Variants in GRIK4 observed in about 807,000 individuals in gnomAD.
GRIK4 encodes glutamate ionotropic receptor kainate type subunit 4.
In GRIK4, 40 loss-of-function variants were observed where a neutral mutation model predicts 104.9. The observed-to-expected ratio is 0.38, with a 90% CI of 0.30 to 0.50. The LOEUF (loss-of-function observed/expected upper bound fraction) is 0.50. Ranked by LOEUF, GRIK4 falls within the 20% of genes least tolerant of loss-of-function variation. The pLI is 0.93. For synonymous variants in GRIK4, 485 were observed against 524.9 expected (o/e 0.92, Z 1.04); for missense variants, 1,047 against 1,308.1 (o/e 0.80, Z 3.08).
intron 3 of GRIK4, among the ~76,000 whole-genome samples, chr11:120,787,056 G>A (rs1004925467): frequency 5.9e-5 from 9 of 152,180 alleles, no homozygotes; most frequent in African/African-American, 1.4e-4. Context: ...AATGGCTCAC[G>A]CCTGTCATCC....
intron 1 of GRIK4, among the ~76,000 whole-genome samples, chr11:120,590,639 C>T (rs1948722378): frequency 6.6e-6 from 1 of 152,166 alleles, no homozygotes; most frequent in African/African-American, 2.4e-5. Context: ...TTGATTTGGA[C>T]TCAGGCCTCT....
chr11:120,684,845 G>C (rs913024027), intron 3 of GRIK4, among the ~76,000 whole-genome samples: 1 of 152,208 alleles, frequency 6.6e-6, no homozygotes, highest in African/African-American at 2.4e-5. Flanking sequence ...GAGTAGCTGG[G>C]ACTACAGGCG....
intron 3 of GRIK4, among the ~76,000 whole-genome samples, chr11:120,663,085 C>T (rs1949847246): frequency 6.6e-6 from 1 of 152,166 alleles, no homozygotes; most frequent in Non-Finnish European, 1.5e-5. Context: ...ATATGTCAAC[C>T]CCTTCCATCA....
At chr11:120,736,449 A>G (rs149310633) in intron 3 of GRIK4, among the ~76,000 whole-genome samples, 15 of 151,586 alleles carry the variant, frequency 9.9e-5, no homozygotes, top group Middle Eastern at 3.4e-3. Flanking sequence ...TACCTAGGTC[A>G]CTCCAGTCCA....
intron 1 of GRIK4, among the ~76,000 whole-genome samples, chr11:120,631,625 A>T (rs1409562925): frequency 6.6e-6 from 1 of 152,160 alleles, no homozygotes; most frequent in Non-Finnish European, 1.5e-5. Context: ...TTTGGGGGCA[A>T]TGAGGTCAGG....
rs1324039937 is a variant in GRIK4, at chr11:120,795,413, G to A, written c.83-7280G>A. Among the ~76,000 whole-genome samples the A allele has an allele frequency of 1.1e-4, 16 of 152,212 alleles. No homozygotes were observed. The East Asian group carries it at 1.5e-3, about 15-fold the overall frequency. On this transcript the variant is annotated intron_variant, in intron 3 of 20. Transcript: ENST00000527524. ...CATCCACCCTGCGGATCCCTGTGTCGTGGGGCTGCTGTCCGTCCACTCATC... is the reference window on the plus strand; with the variant it reads ...CATCCACCCTGCGGATCCCTGTGTCATGGGGCTGCTGTCCGTCCACTCATC...
chr11:120,528,607 A>G (rs1480458299), intron 1 of GRIK4, among the ~76,000 whole-genome samples: 1 of 152,176 alleles, frequency 6.6e-6, no homozygotes, highest in Admixed American at 6.5e-5. Flanking sequence ...TACAGGAAAA[A>G]GGGGTTAATG....
chr11:120,627,551 G>C (rs567591559), intron 1 of GRIK4, among the ~76,000 whole-genome samples: 27 of 152,326 alleles, frequency 1.8e-4, no homozygotes, highest in African/African-American at 6.5e-4. Context: ...AGCAACACCA[G>C]GCTGGGAGGT....
chr11:120,965,794 C>T (rs1944373978), intron 18 of GRIK4, among the ~76,000 whole-genome samples: 1 of 152,200 alleles, frequency 6.6e-6, no homozygotes, highest in African/African-American at 2.4e-5. Context: ...CCCAGGCCTA[C>T]TGAATCAGAT....
At position 120,926,895 on chromosome 11, in the gene GRIK4, A is replaced by T. The variant is rs2850808; in HGVS notation, c.1477-13452A>T. On this transcript the variant is annotated intron_variant, in intron 13 of 20. Transcript: ENST00000527524. Reference sequence around the variant, plus strand: ...ATTTCCGCTGTGAAGAAAATAAAGCAGTATAATGAGCCAGAGTGTCTCGAG... The same window carrying T: ...ATTTCCGCTGTGAAGAAAATAAAGCTGTATAATGAGCCAGAGTGTCTCGAG... Among the ~76,000 whole-genome samples the T allele has an allele frequency of 3.3e-5, 5 of 152,104 alleles. No homozygotes were observed. In the East Asian group the frequency reaches 9.6e-4, roughly 29 times the overall value.
At chr11:120,806,183 G>C (rs12294471) in intron 4 of GRIK4, among the ~76,000 whole-genome samples, 10,104 of 152,076 alleles carry the variant, frequency 0.066, 1,067 homozygotes, top group African/African-American at 0.22. Flanking sequence ...ACATTTGAAC[G>C]GGCTTCCTCC....
At chr11:120,857,195 A>G (rs571306192) in intron 8 of GRIK4, among the ~76,000 whole-genome samples, 186 of 152,042 alleles carry the variant, frequency 1.2e-3, no homozygotes, top group Non-Finnish European at 2.2e-3. Flanking sequence ...CTCAGCCCCC[A>G]CTCAGAGCCT....
At chr11:120,901,329 GCTGCATCCTGCCCCTCC>G (rs1182697700) in intron 12 of GRIK4, among the ~76,000 whole-genome samples, 34 of 62,260 alleles carry the variant, frequency 5.5e-4, no homozygotes, top group African/African-American at 2.2e-3. Context: ...CCTGCCGCTC[GCTGCATCCTGCCCCTCC>G]CTGCCTTGGC....
intron 3 of GRIK4, among the ~76,000 whole-genome samples, chr11:120,743,311 C>G (rs989001380): frequency 3.3e-5 from 5 of 150,914 alleles, no homozygotes; most frequent in Non-Finnish European, 7.4e-5. Flanking sequence ...GCTCAGCAAA[C>G]AAATGCAGGA....
At chr11:120,635,521 G>A (rs1421798602) in intron 1 of GRIK4, among the ~76,000 whole-genome samples, 1 of 152,220 alleles carries the variant, frequency 6.6e-6, no homozygotes, top group Admixed American at 6.5e-5. Context: ...TTGAGTTAAA[G>A]CGATTCTGCT....
chr11:120,921,057 C>T (rs1463571738), intron 13 of GRIK4, among the ~76,000 whole-genome samples: 1 of 152,202 alleles, frequency 6.6e-6, no homozygotes, highest in African/African-American at 2.4e-5. Flanking sequence ...ATTTCATTAT[C>T]TCTGTCTAAG....
At chr11:120,954,824 CACACACAA>C (rs140099732) in intron 15 of GRIK4, among the ~76,000 whole-genome samples, 32,111 of 81,408 alleles carry the variant, frequency 0.39, 4,103 homozygotes, top group African/African-American at 0.45. Flanking sequence ...CACACACACA[CACACACAA>C]ACAATACTGG....
At chr11:120,569,396 A>G (rs1229340892) in intron 1 of GRIK4, among the ~76,000 whole-genome samples, 2 of 152,216 alleles carry the variant, frequency 1.3e-5, no homozygotes, top group African/African-American at 4.8e-5. Flanking sequence ...GCTGCCTTCC[A>G]TCCATTATCT....
chr11:120,864,625 A>G (rs759395471), intron 9 of GRIK4, among the ~76,000 whole-genome samples: 1 of 152,204 alleles, frequency 6.6e-6, no homozygotes, highest in Admixed American at 6.5e-5. Flanking sequence ...CCTTCAACCC[A>G]AGCCTCACCA....
Sources: gnomAD v4.1 joint callset for allele counts (sites outside exome capture counted in the v4.1 genomes callset) on GRCh38, gnomAD v4.1.1 for gene constraint, MANE v1.5 for transcripts, NCBI Gene and HGNC (gene_info 2026-07-23, HGNC 2026-07-21) for gene names.